The following SPTLC3 variants were observed in gnomAD, a reference collection of about 807,000 sequenced individuals.
SPTLC3 encodes the protein serine palmitoyltransferase long chain base subunit 3.
Under a neutral mutation model 59.3 loss-of-function variants are expected in SPTLC3, and 36 were observed. The ratio of observed to expected loss-of-function variants is 0.61; its 90% CI spans 0.47 to 0.80. The LOEUF (loss-of-function observed/expected upper bound fraction) is 0.80. Among genes scored for constraint, SPTLC3 ranks in the 30% least tolerant of loss-of-function variants. The pLI is 0.00. For missense variants in SPTLC3, 625 were observed against 685.1 expected (o/e 0.91, Z 0.98); for synonymous variants, 257 against 240.8 (o/e 1.07, Z -0.62).
chr20:13,022,791 CTT>C (rs1386890537), intron 1 of SPTLC3, among the ~76,000 whole-genome samples: 2 of 152,216 alleles, frequency 1.3e-5, no homozygotes, highest in African/African-American at 4.8e-5. Context: ...ATCCACTAGA[CTT>C]TCTCTATACA....
chr20:13,030,490 A>C (rs1986384755), intron 1 of SPTLC3, among the ~76,000 whole-genome samples: 1 of 152,194 alleles, frequency 6.6e-6, no homozygotes, highest in Admixed American at 6.5e-5. Flanking sequence ...CCATTTGTTT[A>C]AACTCATCAG....
At chr20:13,120,125 C>T (rs979119246) in intron 8 of SPTLC3, among the ~76,000 whole-genome samples, 8 of 152,240 alleles carry the variant, frequency 5.3e-5, no homozygotes, top group African/African-American at 1.9e-4. Flanking sequence ...TAGGATTCGG[C>T]AAATACTAAA....
intron 6 of SPTLC3, among the ~76,000 whole-genome samples, chr20:13,102,678 C>A (rs1989645121): frequency 6.6e-6 from 1 of 152,192 alleles, no homozygotes; most frequent in African/African-American, 2.4e-5. Flanking sequence ...ATCCTAACCA[C>A]TGGGCTCCTA....
intron 11 of SPTLC3, chr20:13,164,324 G>C (rs1371972149): frequency 4.2e-6 from 2 of 471,716 alleles, no homozygotes; most frequent in Non-Finnish European, 8.8e-6. Context: ...ATGTTAATCA[G>C]CTCCCGCAAC....
intron 1 of SPTLC3, among the ~76,000 whole-genome samples, chr20:13,037,665 C>T (rs115638893): frequency 5.3e-4 from 81 of 152,254 alleles, no homozygotes; most frequent in African/African-American, 1.9e-3. Flanking sequence ...ACAGAACATT[C>T]CTTCAGGTTA....
chr20:13,014,895 G>A (rs1274670321), intron 1 of SPTLC3, among the ~76,000 whole-genome samples: 1 of 152,074 alleles, frequency 6.6e-6, no homozygotes, highest in Non-Finnish European at 1.5e-5. Context: ...ACACTCCTAT[G>A]GCAGAGAAAG....
In SPTLC3 at chr20:13,072,397, A is replaced by T. The variant is rs1203670246; in HGVS notation, c.445A>T (p.Asn149Tyr). 1 of 1,594,384 alleles carries T rather than the reference A, an allele frequency of 6.3e-7. No individual in the cohort carries two copies. The highest frequency in any genetic ancestry group is 1.1e-5 in the South Asian group (1 of 87,324). Reference sequence around the variant, plus strand: ...GATGGAGAGGGTATCAGACGACTATAACTGGACGTTTAGGTGAGAGAACTT... The same window carrying T: ...GATGGAGAGGGTATCAGACGACTATTACTGGACGTTTAGGTGAGAGAACTT... ...DLMERVSDDY[N>Y]WTFRFTGRVI... Residue 149 changes from asparagine (N) to tyrosine (Y), a missense_variant, in exon 3 of 12, where the codon AAC (asparagine) becomes TAC (tyrosine). Physicochemically the swap from Asn to Tyr is moderately radical, Grantham distance 143. Coordinates refer to ENST00000399002, the MANE Select transcript of SPTLC3 (RefSeq NM_018327.4).
At chr20:13,105,381 A>T (rs1989830097) in intron 6 of SPTLC3, among the ~76,000 whole-genome samples, 1 of 152,198 alleles carries the variant, frequency 6.6e-6, no homozygotes, top group African/African-American at 2.4e-5. Flanking sequence ...ATTCAAGTCA[A>T]ACACAACGAA....
intron 7 of SPTLC3, among the ~76,000 whole-genome samples, chr20:13,111,036 G>T (rs1198278275): frequency 6.6e-6 from 1 of 151,984 alleles, no homozygotes; most frequent in Non-Finnish European, 1.5e-5. Context: ...TGGATAATGA[G>T]CAGCAGCAGA....
chr20:13,082,120 A>C (rs1391217952), intron 4 of SPTLC3, among the ~76,000 whole-genome samples: 1 of 152,228 alleles, frequency 6.6e-6, no homozygotes, highest in Admixed American at 6.5e-5. Flanking sequence ...ATTTTACATA[A>C]GTATAATACT....
intron 9 of SPTLC3, among the ~76,000 whole-genome samples, chr20:13,152,718 C>A (rs1018186353): frequency 2.6e-5 from 4 of 152,158 alleles, no homozygotes; most frequent in Non-Finnish European, 5.9e-5. Context: ...GGCCCTCATA[C>A]CACCTTGTAG....
chr20:13,061,977 AC>A (rs1421911131), intron 2 of SPTLC3, among the ~76,000 whole-genome samples: 1 of 152,076 alleles, frequency 6.6e-6, no homozygotes, highest in Non-Finnish European at 1.5e-5. Context: ...TATGTCTCTA[AC>A]TTCATCCCTT....
chr20:13,028,082 A>G (rs1986248387), intron 1 of SPTLC3, among the ~76,000 whole-genome samples: 1 of 152,202 alleles, frequency 6.6e-6, no homozygotes, highest in South Asian at 2.1e-4. Context: ...AGAGGCATTG[A>G]TGACACGGTT....
intron 4 of SPTLC3, among the ~76,000 whole-genome samples, chr20:13,090,189 T>A (rs1432285385): frequency 6.6e-6 from 1 of 152,170 alleles, no homozygotes; most frequent in East Asian, 1.9e-4. Context: ...AAAGGGCAAG[T>A]ATGTAAGAGA....
chr20:13,158,632 A>G (rs1302062285), intron 10 of SPTLC3, among the ~76,000 whole-genome samples: 1 of 152,188 alleles, frequency 6.6e-6, no homozygotes, highest in Non-Finnish European at 1.5e-5. Context: ...GAGAAAGAAC[A>G]GCCTCTGTTT....
chr20:13,093,521 C>T lies in SPTLC3; in HGVS notation c.770C>T (p.Ser257Leu). ...TTAAGTGATGAGTTAAACCACACAT[C>T]GCTTGTGCTTGGGGCCCGACTCTCA... Reference protein sequence around the residue: ...LILSDELNHTSLVLGARLSGA... With the variant: ...LILSDELNHTLLVLGARLSGA... The change falls in exon 6 of 12, where the codon TCG becomes TTG. Residue 257 changes from serine (S) to leucine (L), a missense_variant. Transcript: ENST00000399002. 1 of 1,613,572 alleles carries T rather than the reference C, an allele frequency of 6.2e-7. No homozygotes were observed. Among genetic ancestry groups the T allele is most frequent in the Non-Finnish European group, 8.5e-7 (1 of 1,179,568 alleles).
intron 9 of SPTLC3, among the ~76,000 whole-genome samples, chr20:13,138,272 G>A (rs2038297092): frequency 2.0e-5 from 3 of 152,272 alleles, no homozygotes; most frequent in South Asian, 4.1e-4. Flanking sequence ...TTCAGCATCA[G>A]CTTTGGCCAC....
At chr20:13,028,899 A>T (rs1986289600) in intron 1 of SPTLC3, among the ~76,000 whole-genome samples, 1 of 152,180 alleles carries the variant, frequency 6.6e-6, no homozygotes, top group Admixed American at 6.6e-5. Flanking sequence ...ATTATTTTAA[A>T]ATAGGAAGCA....
In SPTLC3 at chr20:13,079,780, C is replaced by T. The variant is rs1193439580; in HGVS notation, c.607+5283C>T. Reference sequence around the variant, plus strand: ...TCACCTCATCCTGGCAGAATGCCCTCTGTGTGGGAGGGGTCTTGCAAGCTG... The same window carrying T: ...TCACCTCATCCTGGCAGAATGCCCTTTGTGTGGGAGGGGTCTTGCAAGCTG... On this transcript the variant is annotated intron_variant, in intron 4 of 11. Coordinates refer to ENST00000399002, the MANE Select transcript of SPTLC3 (RefSeq NM_018327.4). 5 of 469,880 alleles carry T rather than the reference C, an allele frequency of 1.1e-5. No individual in the cohort carries two copies. In the East Asian group the frequency reaches 3.5e-4, roughly 33 times the overall value. The allele number at this position is 469,880 out of a possible 1,614,324, so 29.1% of individuals were successfully genotyped here.
Sources: allele counts gnomAD v4.1 joint callset (sites outside exome capture counted in the v4.1 genomes callset), GRCh38; gene constraint gnomAD v4.1.1; transcripts MANE v1.5; gene names NCBI Gene and HGNC (gene_info 2026-07-23, HGNC 2026-07-21).